The following MCTP1 variants were observed in gnomAD, a reference collection of about 807,000 sequenced individuals.
The protein encoded by MCTP1 is multiple C2 and transmembrane domain-containing protein 1.
A neutral mutation model predicts 120.6 loss-of-function variants in MCTP1; 69 were observed. That is an observed-to-expected ratio of 0.57 (90% CI 0.47 to 0.70). The LOEUF (loss-of-function observed/expected upper bound fraction) is 0.70. Ranked by LOEUF, MCTP1 falls within the 30% of genes least tolerant of loss-of-function variation. The pLI is 0.00. For missense variants in MCTP1, 1,203 were observed against 1,248.8 expected (o/e 0.96, Z 0.55); for synonymous variants, 529 against 493.1 (o/e 1.07, Z -0.96).
chr5:94,794,560 C>A (rs1273714738), intron 18 of MCTP1, among the ~76,000 whole-genome samples: 1 of 152,202 alleles, frequency 6.6e-6, no homozygotes, highest in Non-Finnish European at 1.5e-5. Context: ...CAGCCTGGGA[C>A]TTTACAACAG....
intron 21 of MCTP1, chr5:94,709,591 A>T (rs986374674): frequency 6.6e-6 from 1 of 152,090 alleles, no homozygotes; most frequent in Non-Finnish European, 1.5e-5. Flanking sequence ...TTCTACCCTA[A>T]TTTTTTCTAT....
At chr5:95,183,025 CAA>C (rs554887788) in intron 1 of MCTP1, among the ~76,000 whole-genome samples, 63 of 102,384 alleles carry the variant, frequency 6.2e-4, no homozygotes, top group Non-Finnish European at 7.0e-4. Context: ...GACTCCGTCT[CAA>C]AAAAAAAAAA....
intron 2 of MCTP1, among the ~76,000 whole-genome samples, chr5:94,988,770 T>A (rs1830927617): frequency 6.6e-6 from 1 of 152,172 alleles, no homozygotes; most frequent in South Asian, 2.1e-4. Context: ...AAATGAGTTT[T>A]AATTGACTCG....
At chr5:95,239,337 A>G (rs1361854545) in intron 1 of MCTP1, among the ~76,000 whole-genome samples, 1 of 152,110 alleles carries the variant, frequency 6.6e-6, no homozygotes, top group Non-Finnish European at 1.5e-5. Flanking sequence ...CGAGCACTCA[A>G]TTTTCTGGAA....
intron 2 of MCTP1, among the ~76,000 whole-genome samples, chr5:94,954,192 A>ATG (rs1554151359): frequency 7.5e-6 from 1 of 134,022 alleles, no homozygotes; most frequent in Non-Finnish European, 1.6e-5. Flanking sequence ...GCATATATAT[A>ATG]TATATATATA....
intron 6 of MCTP1, among the ~76,000 whole-genome samples, chr5:94,924,322 G>A (rs1812460346): frequency 6.6e-6 from 1 of 152,014 alleles, no homozygotes; most frequent in African/African-American, 2.4e-5. Context: ...GACTGTTCAA[G>A]CATATTTTAA....
intron 1 of MCTP1, among the ~76,000 whole-genome samples, chr5:95,133,437 C>A (rs1448947043): frequency 6.6e-6 from 1 of 152,050 alleles, no homozygotes; most frequent in Non-Finnish European, 1.5e-5. Context: ...TTTGGGAGGC[C>A]GAGGTCAGGA....
rs79665860 is a variant in MCTP1, at chr5:95,055,759, A to T, written c.721-38275T>A. The stretch of plus-strand genomic sequence containing the variant: ...ATATCCCCCTGGGTACAGGCTTAAT[A>T]TCATTAGGCCTCAGTTTCCTCACCT... On this transcript the variant is annotated intron_variant, in intron 1 of 22. Transcript: ENST00000515393. 8.9e-3 allele frequency among the ~76,000 whole-genome samples: 1,350 copies of T among 152,304 alleles called. 18 individuals are homozygous for T. The highest frequency in any genetic ancestry group is 0.031 in the African/African-American group (1,279 of 41,548).
rs1757575900 is a variant in MCTP1, at chr5:95,113,165, A to G, written c.721-95681T>C. Among the ~76,000 whole-genome samples the G allele has an allele frequency of 1.3e-5, 2 of 152,102 alleles. 1 individual carries two copies. Among genetic ancestry groups the G allele is most frequent in the South Asian group, 4.1e-4 (2 of 4,824 alleles). Reference sequence around the variant, plus strand: ...TGCATTAATTATGCAAATACTTTGAAAAAAACATTAAAGCAGCCTCTATAA... The same window carrying G: ...TGCATTAATTATGCAAATACTTTGAGAAAAACATTAAAGCAGCCTCTATAA... On this transcript the variant is annotated intron_variant, in intron 1 of 22. Coordinates refer to ENST00000515393, the MANE Select transcript of MCTP1 (RefSeq NM_024717.7).
chr5:95,058,504 A>G (rs1321886241), intron 1 of MCTP1, among the ~76,000 whole-genome samples: 1 of 152,236 alleles, frequency 6.6e-6, no homozygotes, highest in East Asian at 1.9e-4. Flanking sequence ...TCTTTCTTCA[A>G]TGAAACAATG....
intron 1 of MCTP1, among the ~76,000 whole-genome samples, chr5:95,210,192 C>T (rs1400562012): frequency 1.3e-5 from 2 of 152,038 alleles, no homozygotes; most frequent in African/African-American, 4.8e-5. Context: ...CTATTAGGTC[C>T]ACTTGGTGCA....
At chr5:94,779,243 G>A (rs988181161) in intron 18 of MCTP1, 80 bp from the exon 19 acceptor site, 32 of 1,184,060 alleles carry the variant, frequency 2.7e-5, no homozygotes, top group Middle Eastern at 1.9e-4. Flanking sequence ...TTTTGGAAAT[G>A]AAAACTTTAT....
chr5:94,881,547 G>A lies in MCTP1; in HGVS notation c.1933+7332C>T, dbSNP rs368126146. Among the ~76,000 whole-genome samples the A allele has an allele frequency of 6.6e-5, 10 of 151,972 alleles. No homozygotes were observed. In the East Asian group the frequency reaches 1.2e-3, roughly 18 times the overall value. ...TTCTTTTCTCCAGTACAAATATGTC[G>A]GTGGCTTTTGTGGAAAGATCTAGAT... On this transcript the variant is annotated intron_variant, in intron 12 of 22. Transcript: ENST00000515393.
At chr5:94,882,166 G>T (rs1249717206) in intron 12 of MCTP1, among the ~76,000 whole-genome samples, 1 of 152,064 alleles carries the variant, frequency 6.6e-6, no homozygotes, top group Non-Finnish European at 1.5e-5. Flanking sequence ...TGTAGTATAG[G>T]ATTGTATACA....
intron 1 of MCTP1, among the ~76,000 whole-genome samples, chr5:95,162,160 A>C (rs1450025459): frequency 6.6e-6 from 1 of 152,210 alleles, no homozygotes; most frequent in African/African-American, 2.4e-5. Flanking sequence ...AGCATTGATA[A>C]TATTTTAGAT....
intron 2 of MCTP1, among the ~76,000 whole-genome samples, chr5:95,014,944 C>T (rs1018743553): frequency 6.6e-6 from 1 of 152,168 alleles, no homozygotes; most frequent in Non-Finnish European, 1.5e-5. Flanking sequence ...CCTAATCAGT[C>T]AGCAGCCATC....
chr5:95,147,882 A>C (rs958228622), intron 1 of MCTP1, among the ~76,000 whole-genome samples: 2 of 152,178 alleles, frequency 1.3e-5, no homozygotes. Flanking sequence ...GACCTCTTGT[A>C]AGGTTCATCT....
intron 8 of MCTP1, among the ~76,000 whole-genome samples, chr5:94,913,693 A>C (rs1488384779): frequency 1.3e-5 from 2 of 151,562 alleles, no homozygotes; most frequent in Non-Finnish European, 2.9e-5. Flanking sequence ...TTCTTTAATG[A>C]CTTTTATTAT....
At chr5:95,059,208 C>CATATATATAT (rs60609185) in intron 1 of MCTP1, among the ~76,000 whole-genome samples, 1 of 149,626 alleles carries the variant, frequency 6.7e-6, no homozygotes, top group Non-Finnish European at 1.5e-5. Context: ...GAAAATGTGG[C>CATATATATAT]ATATATATAT....
Sources: allele counts gnomAD v4.1 joint callset (sites outside exome capture counted in the v4.1 genomes callset), GRCh38; gene constraint gnomAD v4.1.1; transcripts MANE v1.5; gene names NCBI Gene and HGNC (gene_info 2026-07-23, HGNC 2026-07-21).